Variants in PCDH9 observed in about 807,000 individuals in gnomAD.
The protein encoded by PCDH9 is protocadherin-9.
Under a neutral mutation model 70.6 loss-of-function variants are expected in PCDH9, and 24 were observed. That is an observed-to-expected ratio of 0.34 (90% CI 0.25 to 0.48). The LOEUF (loss-of-function observed/expected upper bound fraction) is 0.48, where lower values mean the gene tolerates loss of function less well. Among genes scored for constraint, PCDH9 ranks in the 20% least tolerant of loss-of-function variants. The pLI is 0.99. For synonymous variants in PCDH9, 562 were observed against 558.5 expected (o/e 1.01, Z -0.09); for missense variants, 1,281 against 1,503.6 (o/e 0.85, Z 2.45).
chr13:66,810,206 C>CTTAGAATCCTTTTTTATGAAT (rs2080479602), intron 3 of PCDH9, among the ~76,000 whole-genome samples: 2 of 152,004 alleles, frequency 1.3e-5, no homozygotes, highest in Admixed American at 1.3e-4. Flanking sequence ...AAGCATAGGG[C>CTTAGAATCCTTTTTTATGAAT]TTAGAATCCT....
At chr13:66,900,396 C>A (rs904885978) in intron 3 of PCDH9, among the ~76,000 whole-genome samples, 8 of 151,684 alleles carry the variant, frequency 5.3e-5, no homozygotes, top group African/African-American at 1.9e-4. Context: ...TAAAACAGGA[C>A]AAATATTAAA....
intron 2 of PCDH9, among the ~76,000 whole-genome samples, chr13:67,187,660 AT>A (rs2088793917): frequency 6.6e-6 from 1 of 152,118 alleles, no homozygotes; most frequent in African/African-American, 2.4e-5. Flanking sequence ...ATTTATTTAT[AT>A]TTTTAATATA....
chr13:66,999,572 C>T (rs1297673156), intron 2 of PCDH9, among the ~76,000 whole-genome samples: 1 of 151,660 alleles, frequency 6.6e-6, no homozygotes, highest in Non-Finnish European at 1.5e-5. Flanking sequence ...AAAATTTTCA[C>T]AACCTACTCA....
intron 4 of PCDH9, among the ~76,000 whole-genome samples, chr13:66,399,099 T>C (rs1957148282): frequency 6.6e-6 from 1 of 152,194 alleles, no homozygotes; most frequent in Admixed American, 6.5e-5. Flanking sequence ...TTTTTTTATT[T>C]ATAAATATTG....
At position 66,366,265 on chromosome 13, in the gene PCDH9, G is replaced by A. The variant is rs115011422; in HGVS notation, c.3341-61237C>T. ...TATTCTCATCTTATTATTGAACTTT[G>A]CAGAATTAAAAAGTTATTTTCCTAA... On this transcript the variant is annotated intron_variant, in intron 4 of 4. Coordinates refer to ENST00000377865, the MANE Select transcript of PCDH9 (RefSeq NM_203487.3). Among the ~76,000 whole-genome samples, 1,013 of 151,700 alleles carry A rather than the reference G, an allele frequency of 6.7e-3. 15 individuals carry two copies. Among genetic ancestry groups the A allele is most frequent in the African/African-American group, 0.023 (951 of 41,402 alleles).
intron 2 of PCDH9, among the ~76,000 whole-genome samples, chr13:67,043,988 A>G (rs1020906159): frequency 6.6e-6 from 1 of 152,126 alleles, no homozygotes; most frequent in Non-Finnish European, 1.5e-5. Context: ...ACTAGCTCAA[A>G]TTGGTTTAGG....
intron 2 of PCDH9, chr13:66,977,504 TA>T (rs1338412645): frequency 6.6e-6 from 1 of 152,134 alleles, no homozygotes; most frequent in Non-Finnish European, 1.5e-5. Flanking sequence ...TCTGTTGTCT[TA>T]AAGGCTTTAT....
At chr13:66,497,678 G>A (rs1959137468) in intron 4 of PCDH9, among the ~76,000 whole-genome samples, 1 of 152,114 alleles carries the variant, frequency 6.6e-6, no homozygotes, top group African/African-American at 2.4e-5. Flanking sequence ...GCATTACTTG[G>A]TAGTTAAGAG....
chr13:66,579,973 A>G (rs1326887036), intron 4 of PCDH9, among the ~76,000 whole-genome samples: 1 of 152,126 alleles, frequency 6.6e-6, no homozygotes, highest in African/African-American at 2.4e-5. Context: ...GATTTATACC[A>G]TAAAAAGATT....
At chr13:67,024,156 C>T (rs1262318812) in intron 2 of PCDH9, among the ~76,000 whole-genome samples, 2 of 152,094 alleles carry the variant, frequency 1.3e-5, no homozygotes, top group Admixed American at 6.5e-5. Flanking sequence ...ATTTTACCTA[C>T]AATTACTGGA....
At chr13:66,720,804 G>C (rs1458029763) in intron 3 of PCDH9, among the ~76,000 whole-genome samples, 1 of 152,058 alleles carries the variant, frequency 6.6e-6, no homozygotes, top group African/African-American at 2.4e-5. Flanking sequence ...TAAATCCCAA[G>C]AGAGAAAATT....
rs141654659 is a variant in PCDH9 at position 67,137,365 on chromosome 13, G to A, written c.3036+88040C>T. Among the ~76,000 whole-genome samples, 41 of 152,184 alleles carry A rather than the reference G, an allele frequency of 2.7e-4. No individual in the cohort carries two copies. The East Asian group carries it at 4.1e-3, about 15-fold the overall frequency. ...TGAAACCTCAAACTGTAAGCTCAAC[G>A]GAATGTACCAGAGTATCTGTCACTA... On this transcript the variant is annotated intron_variant, in intron 2 of 4. Coordinates refer to ENST00000377865, the MANE Select transcript of PCDH9 (RefSeq NM_203487.3).
intron 4 of PCDH9, among the ~76,000 whole-genome samples, chr13:66,312,369 G>A (rs1428793754): frequency 1.3e-5 from 2 of 152,172 alleles, no homozygotes; most frequent in Non-Finnish European, 2.9e-5. Flanking sequence ...AGATAGATTA[G>A]GCTAGGCATG....
At chr13:66,336,038 G>A (rs1956031901) in intron 4 of PCDH9, among the ~76,000 whole-genome samples, 1 of 152,006 alleles carries the variant, frequency 6.6e-6, no homozygotes, top group Admixed American at 6.6e-5. Context: ...CTAAAGATAA[G>A]CAGTCATGTG....
chr13:66,423,262 A>G (rs1318820979), intron 4 of PCDH9, among the ~76,000 whole-genome samples: 1 of 152,086 alleles, frequency 6.6e-6, no homozygotes, highest in African/African-American at 2.4e-5. Context: ...AGCTGGGACC[A>G]TTCCTTCTGA....
intron 4 of PCDH9, among the ~76,000 whole-genome samples, chr13:66,474,701 C>A (rs1038210431): frequency 6.6e-6 from 1 of 152,044 alleles, no homozygotes; most frequent in Non-Finnish European, 1.5e-5. Context: ...TCAATGGCTA[C>A]AATTGAAATG....
intron 2 of PCDH9, among the ~76,000 whole-genome samples, chr13:67,018,383 G>A (rs1026306551): frequency 2.4e-4 from 37 of 152,018 alleles, no homozygotes; most frequent in African/African-American, 8.5e-4. Flanking sequence ...CACTTTGGGC[G>A]GCCGAAGGGG....
chr13:67,009,941 C>G (rs910692035), intron 2 of PCDH9, among the ~76,000 whole-genome samples: 1 of 151,960 alleles, frequency 6.6e-6, no homozygotes. Flanking sequence ...ATGTAAGGAG[C>G]ATGTGACTGT....
chr13:66,329,882 C>T (rs965018588), intron 4 of PCDH9, among the ~76,000 whole-genome samples: 3 of 152,108 alleles, frequency 2.0e-5, no homozygotes, highest in African/African-American at 4.8e-5. Context: ...TGAAGCAAAA[C>T]AGGTCTTTCT....
Sources: allele counts gnomAD v4.1 joint callset (sites outside exome capture counted in the v4.1 genomes callset), GRCh38; gene constraint gnomAD v4.1.1; transcripts MANE v1.5; gene names NCBI Gene and HGNC (gene_info 2026-07-23, HGNC 2026-07-21).